RNF213: variants seen among roughly 807,000 people sequenced by gnomAD.
RNF213 encodes the protein ring finger protein 213, also known as E3 ubiquitin-protein ligase RNF213.
RNF213 carries 341 observed loss-of-function variants against 514.4 expected under a neutral mutation model. The observed-to-expected ratio is 0.66, with a 90% CI of 0.61 to 0.73. RNF213 has a LOEUF of 0.73. Among genes scored for constraint, RNF213 ranks in the 30% least tolerant of loss-of-function variants. The pLI, the probability that RNF213 is intolerant of heterozygous loss-of-function variation, is 0.00. For missense variants in RNF213, 5,767 were observed against 6,615.6 expected, an observed-to-expected ratio of 0.87 and a Z score of 4.45; for synonymous variants, 2,655 against 2,658.2, an observed-to-expected ratio of 1.00 and a Z score of 0.04.
At position 80,263,479 on chromosome 17, in the gene RNF213, G is replaced by T; in HGVS notation, c.-108-95G>T. On this transcript the variant is annotated intron_variant, in intron 1 of 67. Coordinates refer to ENST00000582970, the MANE Select transcript of RNF213 (RefSeq NM_001256071.3). The surrounding 1 kb of genome is among the most constrained non-coding windows in gnomAD (Gnocchi z 4.9). Reference sequence around the variant, plus strand: ...CAAAAGCTTGAGAGCCAAGGGGGCAGCACAGAGCGGGGAGGGGCTGGGCTT... The same window carrying T: ...CAAAAGCTTGAGAGCCAAGGGGGCATCACAGAGCGGGGAGGGGCTGGGCTT... 1.7e-6 allele frequency: 1 copy of T among 599,834 alleles called. No homozygotes were observed. Among genetic ancestry groups the T allele is most frequent in the Non-Finnish European group, 3.1e-6 (1 of 325,500 alleles). The allele number at this position is 599,834 out of a possible 1,614,324, so 37.2% of individuals were successfully genotyped here.
In RNF213 at chr17:80,347,419, G is replaced by T. The variant is rs1316342873; in HGVS notation, c.9084G>T (p.Lys3028Asn). 8.7e-6 allele frequency: 14 copies of T among 1,613,880 alleles called. No individual in the cohort carries two copies. Among genetic ancestry groups the T allele is most frequent in the Non-Finnish European group, 1.2e-5 (14 of 1,180,052 alleles). Residue 3028 changes from lysine (K) to asparagine (N), a missense_variant, in exon 29 of 68, where the codon AAG becomes AAT. By Grantham distance (94) the Lys-to-Asn change is moderately conservative. Transcript: ENST00000582970. The surrounding 1 kb of genome is among the most constrained non-coding windows in gnomAD (Gnocchi z 7.2). ...AGAACATCTTTGGGCCTTCTCAGAA[G>T]GTGCCGGGTGGAGAGCAGGAAGATG... ...IKQNIFGPSQKVPGGEQEDAE... is the reference protein window; with the variant it reads ...IKQNIFGPSQNVPGGEQEDAE...
At chr17:80,286,130 G>A (rs1255119546) in intron 3 of RNF213, among the ~76,000 whole-genome samples, 6 of 152,168 alleles carry the variant, frequency 3.9e-5, no homozygotes, top group Non-Finnish European at 8.8e-5. Context: ...TTTCAGCAGT[G>A]GTGCTTGCTC....
rs760071805 is a variant in RNF213 at position 80,289,824 on chromosome 17, G to A, written c.1099G>A (p.Glu367Lys). ...AAAAAACCAGGAAGCAGATGTCCAG[G>A]AAGTGAAGGCAAGGTAGGGATGCCC... ...EQKNQEADVQEVKASTLSPGG... is the reference protein window; with the variant it reads ...EQKNQEADVQKVKASTLSPGG... Residue 367 changes from glutamate to lysine, a missense_variant, in exon 6 of 68, where the codon GAA becomes AAA. This residue lies in a region of RNF213 where 509 missense variants were observed against 496.7 expected (regional missense o/e 1.02). Transcript: ENST00000582970. The A allele has an allele frequency of 6.2e-7, 1 of 1,610,352 alleles. No homozygotes were observed. The highest frequency in any genetic ancestry group is 8.5e-7 in the Non-Finnish European group (1 of 1,178,554).
intron 21 of RNF213, 66 bp downstream of exon 21, chr17:80,332,697 A>G: frequency 7.0e-7 from 1 of 1,437,694 alleles, no homozygotes; most frequent in Non-Finnish European, 9.1e-7. Flanking sequence ...TTCAGGAGCC[A>G]TGGGCTTTGT....
chr17:80,327,484 A>G (rs2046309877), intron 18 of RNF213, among the ~76,000 whole-genome samples: 1 of 152,172 alleles, frequency 6.6e-6, no homozygotes, highest in African/African-American at 2.4e-5. Flanking sequence ...CTGTCAAAAA[A>G]AAAAAAAAAA....
At chr17:80,371,055 G>C (rs976240775) in intron 46 of RNF213, among the ~76,000 whole-genome samples, 4 of 151,780 alleles carry the variant, frequency 2.6e-5, no homozygotes, top group African/African-American at 9.7e-5. Context: ...ACCTTTACAA[G>C]ACCTGCACAG....
In RNF213 at chr17:80,348,294, T is replaced by A; in HGVS notation, c.9951+8T>A. The A allele has an allele frequency of 6.2e-7, 1 of 1,610,278 alleles. No homozygotes were observed. Among genetic ancestry groups the A allele is most frequent in the Non-Finnish European group, 8.5e-7 (1 of 1,180,020 alleles). The stretch of plus-strand genomic sequence containing the variant: ...CACGCCATCTTCACAGAGGTGATTG[T>A]CTTTCTGCACTTGTACCCTATCCCC... On this transcript the variant is annotated splice_region_variant and intron_variant, in intron 29 of 67. Coordinates refer to ENST00000582970, the MANE Select transcript of RNF213 (RefSeq NM_001256071.3).
chr17:80,388,542 CTGTT>C (rs1485251817), intron 63 of RNF213, 66 bp from the exon 64 acceptor site: 1 of 1,065,950 alleles, frequency 9.4e-7, no homozygotes, highest in African/African-American at 1.6e-5. Context: ...GCTGCAGATT[CTGTT>C]TGTCATCTGC....
chr17:80,334,559 C>G (rs947961003), intron 22 of RNF213, among the ~76,000 whole-genome samples: 1 of 152,044 alleles, frequency 6.6e-6, no homozygotes, highest in Admixed American at 6.6e-5. Context: ...CCCCCTTCAG[C>G]TTTTTCTTCC....
intron 5 of RNF213, 41 bp from the exon 6 acceptor site, chr17:80,289,618 G>A: frequency 6.3e-7 from 1 of 1,596,424 alleles, no homozygotes; most frequent in Admixed American, 1.7e-5. Context: ...AGAAAATGTG[G>A]AGGCCGGCCT....
chr17:80,290,472 CG>C, intron 6 of RNF213, 97 bp from the exon 7 acceptor site: 1 of 1,433,542 alleles, frequency 7.0e-7, no homozygotes, highest in Non-Finnish European at 9.7e-7. Context: ...TGTGTGTGCA[CG>C]TGTGTGTGCG....
rs1395269542 is a variant in RNF213 at position 80,386,769 on chromosome 17, C to T, written c.14800C>T (p.Leu4934Phe). The T allele has an allele frequency of 6.2e-7, 1 of 1,614,220 alleles. No individual in the cohort carries two copies. The highest frequency in any genetic ancestry group is 8.5e-7 in the Non-Finnish European group (1 of 1,180,018). ...EVERDLTPLI[L>F]SNCQYQVEEG... Reference sequence around the variant, plus strand: ...GGAGCGGGACCTGACTCCACTGATTCTCTCCAACTGCCAGTACCAGGTGGA... The same window carrying T: ...GGAGCGGGACCTGACTCCACTGATTTTCTCCAACTGCCAGTACCAGGTGGA... The change falls in exon 63 of 68, where the codon CTC becomes TTC. Residue 4934 changes from leucine (L) to phenylalanine (F), a missense_variant. By Grantham distance (22) the Leu-to-Phe change is conservative (BLOSUM62 0). This residue lies in a region of RNF213 where 1,245 missense variants were observed against 1,339.0 expected (regional missense o/e 0.93). Transcript: ENST00000582970.
chr17:80,364,643 C>T (rs1252748151), intron 42 of RNF213, 90 bp downstream of exon 42: 30 of 1,539,920 alleles, frequency 1.9e-5, no homozygotes, highest in Admixed American at 1.2e-4. Flanking sequence ...GGCTGGGAGA[C>T]GCTCTTTTGG....
At chr17:80,319,372 C>A in intron 17 of RNF213, 60 bp downstream of exon 17, 1 of 1,614,220 alleles carries the variant, frequency 6.2e-7, no homozygotes, top group Non-Finnish European at 8.5e-7. Flanking sequence ...CTGCCATGAC[C>A]CAGCTAAGGG....
chr17:80,336,138 A>C (rs2144023916), intron 22 of RNF213, 23 bp from the exon 23 acceptor site: 144 of 1,528,182 alleles, frequency 9.4e-5, no homozygotes, highest in Non-Finnish European at 1.2e-4. Flanking sequence ...TCCCACGCTG[A>C]ACTCCCCTCT....
chr17:80,381,811 C>T, intron 57 of RNF213, 84 bp downstream of exon 57: 1 of 1,249,052 alleles, frequency 8.0e-7, no homozygotes, highest in Non-Finnish European at 1.1e-6. Flanking sequence ...GGCCACCCCA[C>T]ACACAGCCAG....
intron 55 of RNF213, 106 bp downstream of exon 55, chr17:80,379,820 G>A (rs2079913879): frequency 1.1e-6 from 1 of 893,418 alleles, no homozygotes; most frequent in South Asian, 1.4e-5. Flanking sequence ...AATTACTCCA[G>A]TACATGTGGG....
chr17:80,339,136 T>C (rs1263886709), intron 25 of RNF213, 65 bp from the exon 26 acceptor site: 1 of 1,346,682 alleles, frequency 7.4e-7, no homozygotes, highest in Non-Finnish European at 9.8e-7. Flanking sequence ...TGTGTGCTGT[T>C]GCAGAGTAGC....
At chr17:80,389,119 G>A (rs755735028) in intron 64 of RNF213, 54 bp from the exon 65 acceptor site, 2 of 1,538,944 alleles carry the variant, frequency 1.3e-6, no homozygotes, top group Non-Finnish European at 1.8e-6. Context: ...ACCAGGTGGT[G>A]AGATGCCAGA....
Sources: gnomAD v4.1 joint callset for allele counts (sites outside exome capture counted in the v4.1 genomes callset) on GRCh38, gnomAD v4.1.1 for gene constraint, gnomAD v4.1.1 regional missense constraint, Gnocchi (gnomAD v3.1) non-coding constraint, MANE v1.5 for transcripts, NCBI Gene and HGNC (gene_info 2026-07-23, HGNC 2026-07-21) for gene names.